NKAIN3: variants seen among roughly 807,000 people sequenced by gnomAD.
NKAIN3 encodes sodium/potassium-transporting ATPase subunit beta-1-interacting protein 3.
In NKAIN3, 25 loss-of-function variants were observed where a neutral mutation model predicts 30.2. The observed-to-expected ratio is 0.83, with a 90% CI of 0.60 to 1.16. The LOEUF is 1.16. NKAIN3 is among the 50% of genes most tolerant of loss of function. The pLI is 0.00. For synonymous variants in NKAIN3, 91 were observed against 89.6 expected (o/e 1.02, Z -0.09); for missense variants, 225 against 254.1 (o/e 0.89, Z 0.78).
chr8:62,799,503 T>C (rs1817984364), intron 4 of NKAIN3, among the ~76,000 whole-genome samples: 1 of 152,298 alleles, frequency 6.6e-6, no homozygotes, highest in Non-Finnish European at 1.5e-5. Flanking sequence ...TGATACCACC[T>C]AACTCCTGCA....
intron 3 of NKAIN3, among the ~76,000 whole-genome samples, chr8:62,717,090 A>G (rs959838054): frequency 4.6e-5 from 7 of 152,226 alleles, no homozygotes; most frequent in African/African-American, 1.4e-4. Flanking sequence ...GCTTTCGATC[A>G]AGAAGTAGCA....
At chr8:62,571,153 T>C (rs1809924682) in intron 1 of NKAIN3, among the ~76,000 whole-genome samples, 1 of 151,826 alleles carries the variant, frequency 6.6e-6, no homozygotes, top group Non-Finnish European at 1.5e-5. Flanking sequence ...TTTTTTTTTT[T>C]TTCAGACAGT....
intron 3 of NKAIN3, among the ~76,000 whole-genome samples, chr8:62,666,823 AAG>A (rs1813118931): frequency 1.1e-4 from 16 of 152,136 alleles, no homozygotes; most frequent in Non-Finnish European, 2.9e-5. Flanking sequence ...TACCAAAGGA[AAG>A]GAGGCTTATT....
chr8:62,487,110 G>A (rs866253077), intron 1 of NKAIN3, among the ~76,000 whole-genome samples: 2 of 152,282 alleles, frequency 1.3e-5, no homozygotes, highest in East Asian at 3.9e-4. Context: ...CAAAATAAAG[G>A]CCTGAACATT....
In NKAIN3 at chr8:62,984,015, G is replaced by T. The variant is rs1824147115; in HGVS notation, c.*18608G>T. ...AAAGATCAAAAGCAATGCTCAAAGG[G>T]AGTGCCTGGGTAACCATGATGTAAT... On this transcript the variant is annotated 3_prime_UTR_variant, in exon 7 of 7. Coordinates refer to ENST00000623646, the MANE Select transcript of NKAIN3 (RefSeq NM_001304533.3). The T allele has an allele frequency of 6.6e-6, 1 of 152,198 alleles. No individual in the cohort carries two copies. Among genetic ancestry groups the T allele is most frequent in the Non-Finnish European group, 1.5e-5 (1 of 68,052 alleles). 9.4% of individuals were successfully genotyped at this position (152,198 alleles called of 1,614,324 possible).
At chr8:62,651,821 G>A (rs1812627904) in intron 3 of NKAIN3, among the ~76,000 whole-genome samples, 2 of 152,034 alleles carry the variant, frequency 1.3e-5, no homozygotes, top group Admixed American at 1.3e-4. Context: ...GGTTGTTAAA[G>A]TCTAGGACCT....
intron 4 of NKAIN3, among the ~76,000 whole-genome samples, chr8:62,772,663 C>CT (rs34456138): frequency 0.16 from 22,181 of 137,200 alleles, 2,036 homozygotes; most frequent in East Asian, 0.36. Context: ...CTTTTGCCTA[C>CT]TTTTTTTTTT....
chr8:62,801,101 C>A (rs1299935657), intron 4 of NKAIN3, among the ~76,000 whole-genome samples: 2 of 152,210 alleles, frequency 1.3e-5, no homozygotes, highest in Admixed American at 1.3e-4. Flanking sequence ...CTTAGGTAAA[C>A]AAAGAAGCCG....
At chr8:62,624,491 C>T (rs1386868505) in intron 3 of NKAIN3, among the ~76,000 whole-genome samples, 1 of 149,794 alleles carries the variant, frequency 6.7e-6, no homozygotes, top group Non-Finnish European at 1.5e-5. Context: ...TGCAGAGGAG[C>T]TTTCATTTCC....
chr8:62,314,954 G>A (rs1405121430), intron 1 of NKAIN3, among the ~76,000 whole-genome samples: 1 of 152,160 alleles, frequency 6.6e-6, no homozygotes, highest in Non-Finnish European at 1.5e-5. Context: ...TTGCAGGTGA[G>A]ATGATTTGTC....
At chr8:62,720,756 G>A (rs1000408653) in intron 3 of NKAIN3, among the ~76,000 whole-genome samples, 3 of 152,166 alleles carry the variant, frequency 2.0e-5, no homozygotes, top group African/African-American at 7.2e-5. Context: ...TCCAGAAGAA[G>A]CTACTATTTT....
chr8:62,613,478 A>G (rs1563483819), intron 3 of NKAIN3, among the ~76,000 whole-genome samples: 1 of 151,758 alleles, frequency 6.6e-6, no homozygotes, highest in Non-Finnish European at 1.5e-5. Flanking sequence ...TGGGAGTTTG[A>G]TTATTAATTG....
chr8:62,374,755 A>AT (rs1222733440), intron 1 of NKAIN3, among the ~76,000 whole-genome samples: 2 of 152,232 alleles, frequency 1.3e-5, no homozygotes, highest in African/African-American at 4.8e-5. Flanking sequence ...ATTCAAACAA[A>AT]TGTGTGTTAA....
At chr8:62,719,716 T>A (rs1815022063) in intron 3 of NKAIN3, among the ~76,000 whole-genome samples, 1 of 152,028 alleles carries the variant, frequency 6.6e-6, no homozygotes, top group African/African-American at 2.4e-5. Flanking sequence ...TGGTTAACAT[T>A]TCCTGTAATC....
chr8:62,348,104 T>C (rs1317159631), intron 1 of NKAIN3, among the ~76,000 whole-genome samples: 1 of 152,162 alleles, frequency 6.6e-6, no homozygotes, highest in East Asian at 1.9e-4. Context: ...GCAGCCTTGA[T>C]CCTAATTTCC....
intron 1 of NKAIN3, among the ~76,000 whole-genome samples, chr8:62,258,441 G>T (rs1433624393): frequency 6.6e-6 from 1 of 152,080 alleles, no homozygotes; most frequent in South Asian, 2.1e-4. Context: ...GAGCCCAGGA[G>T]TTCCAGACCA....
chr8:62,549,783 A>G (rs1246724085), intron 1 of NKAIN3, among the ~76,000 whole-genome samples: 2 of 151,618 alleles, frequency 1.3e-5, no homozygotes, highest in Non-Finnish European at 2.9e-5. Context: ...ATTGATTTTT[A>G]TTCCAAACTT....
chr8:62,319,822 G>T (rs934585776), intron 1 of NKAIN3, among the ~76,000 whole-genome samples: 5 of 152,158 alleles, frequency 3.3e-5, no homozygotes, highest in African/African-American at 1.2e-4. Context: ...ATTTTGGGTG[G>T]AGAGTTCTGT....
intron 3 of NKAIN3, among the ~76,000 whole-genome samples, chr8:62,694,609 C>T (rs904797805): frequency 5.9e-5 from 9 of 151,988 alleles, no homozygotes; most frequent in African/African-American, 2.2e-4. Flanking sequence ...TAGAATGAGG[C>T]TTTTTCTCCC....
Sources: allele counts gnomAD v4.1 joint callset (sites outside exome capture counted in the v4.1 genomes callset), GRCh38; gene constraint gnomAD v4.1.1; transcripts MANE v1.5; gene names NCBI Gene and HGNC (gene_info 2026-07-23, HGNC 2026-07-21).